SLC28A1: variants seen among roughly 807,000 people sequenced by gnomAD.
The protein encoded by SLC28A1 is solute carrier family 28 member 1.
In SLC28A1, 64 loss-of-function variants were observed where a neutral mutation model predicts 74.8. The ratio of observed to expected loss-of-function variants is 0.86; its 90% confidence interval spans 0.70 to 1.05. SLC28A1 has a LOEUF of 1.05. SLC28A1 is among the 50% of genes least tolerant of loss of function. SLC28A1 has a pLI of 0.00. For synonymous variants in SLC28A1, 359 were observed against 335.0 expected, an observed-to-expected ratio of 1.07 and a Z score of -0.78; for missense variants, 828 against 822.8, an observed-to-expected ratio of 1.01 and a Z score of -0.08.
downstream of SLC28A1, among the ~76,000 whole-genome samples, chr15:84,949,852 A>C (rs1215790415): frequency 6.8e-6 from 1 of 147,238 alleles, no homozygotes; most frequent in Non-Finnish European, 1.5e-5. Context: ...TAAAGGCACT[A>C]TCTCTAGGAC....
intron 2 of SLC28A1, chr15:84,887,267 C>T (rs970876014): frequency 8.5e-6 from 6 of 703,712 alleles, no homozygotes; most frequent in African/African-American, 3.8e-5. Context: ...AGAAAAATGC[C>T]TGTATCAGAT....
chr15:84,973,610 C>T, the SLC28A1 span, among the ~76,000 whole-genome samples: 1 of 152,102 alleles, frequency 6.6e-6, no homozygotes, highest in Non-Finnish European at 1.5e-5. Context: ...CTCTTGGTGC[C>T]CACCCTCCAC....
chr15:84,958,546 T>A, the SLC28A1 span, among the ~76,000 whole-genome samples: 1 of 152,060 alleles, frequency 6.6e-6, no homozygotes, highest in African/African-American at 2.4e-5. Flanking sequence ...CCTCTTACAG[T>A]TTTTTGTTTG....
downstream of SLC28A1, among the ~76,000 whole-genome samples, chr15:84,946,133 T>TTTTTTTTC (rs2079221679): frequency 8.7e-6 from 1 of 115,312 alleles, no homozygotes; most frequent in Non-Finnish European, 1.8e-5. Flanking sequence ...TTTTTTTTTT[T>TTTTTTTTC]TGGTAGAGAT....
At chr15:84,921,903 T>G (rs1457381705) in intron 11 of SLC28A1, among the ~76,000 whole-genome samples, 2 of 152,202 alleles carry the variant, frequency 1.3e-5, no homozygotes, top group Non-Finnish European at 2.9e-5. Context: ...TTATTCTATA[T>G]GAAAGGCTGC....
chr15:84,889,677 TTTCCTTCCTTCCTTCTTTCC>T (rs1965068141), intron 4 of SLC28A1, among the ~76,000 whole-genome samples: 6 of 109,826 alleles, frequency 5.5e-5, no homozygotes, highest in Admixed American at 9.7e-5. Flanking sequence ...TCCTTCCTTC[TTTCCTTCCTTCCTTCTTTCC>T]TTCCTTCCTT....
rs527742285 is a variant in SLC28A1, at chr15:84,935,660, C to G, written c.1581+142C>G. On this transcript the variant is annotated intron_variant, in intron 15 of 18. Coordinates refer to ENST00000394573, the MANE Select transcript of SLC28A1 (RefSeq NM_004213.5). The stretch of plus-strand genomic sequence containing the variant: ...GCTTCACCTCCTACATCCTGTAGTC[C>G]TGGGAGACAGGACAGCTTCAGGCTT... The G allele has an allele frequency of 9.0e-5, 64 of 713,102 alleles. No homozygotes were observed. The Admixed American group carries it at 1.4e-3, about 16-fold the overall frequency. The allele number at this position is 713,102 out of a possible 1,614,324, so 44.2% of individuals were successfully genotyped here. A position where few individuals can be genotyped will look rare whatever the true frequency, so the allele number is the denominator to read the frequency against.
At chr15:84,908,034 C>T (rs896978291) in intron 8 of SLC28A1, among the ~76,000 whole-genome samples, 6 of 152,112 alleles carry the variant, frequency 3.9e-5, no homozygotes, top group Non-Finnish European at 7.4e-5. Context: ...GCCACAAGCC[C>T]GGGATGGGGA....
intron 4 of SLC28A1, among the ~76,000 whole-genome samples, chr15:84,889,649 C>CT (rs1567113435): frequency 4.7e-5 from 7 of 149,396 alleles, no homozygotes; most frequent in African/African-American, 1.7e-4. Context: ...TTTTCTTTTC[C>CT]TTTTTCTTTT....
chr15:84,914,703 C>G (rs1968835475), intron 9 of SLC28A1, among the ~76,000 whole-genome samples: 1 of 152,202 alleles, frequency 6.6e-6, no homozygotes, highest in Non-Finnish European at 1.5e-5. Flanking sequence ...CTTGCCTCCC[C>G]TTTCCACAGC....
intron 9 of SLC28A1, among the ~76,000 whole-genome samples, chr15:84,911,455 G>A (rs1186961255): frequency 6.6e-6 from 1 of 152,210 alleles, no homozygotes; most frequent in East Asian, 1.9e-4. Context: ...CCCTCCACTG[G>A]ACTTCTGGTT....
chr15:84,890,080 G>A (rs895748170), intron 4 of SLC28A1, among the ~76,000 whole-genome samples: 4 of 151,944 alleles, frequency 2.6e-5, no homozygotes, highest in South Asian at 2.1e-4. Flanking sequence ...AGTGATCCAC[G>A]CTCCTGGGCC....
chr15:84,888,623 A>G (rs879846081), intron 3 of SLC28A1, 149 bp from the exon 4 acceptor site: 13 of 665,792 alleles, frequency 2.0e-5, no homozygotes, highest in Middle Eastern at 3.8e-4. Context: ...GCCTTGCAGA[A>G]TCCAGTTTAG....
intron 6 of SLC28A1, chr15:84,895,864 C>CT: frequency 9.4e-7 from 1 of 1,068,350 alleles, no homozygotes; most frequent in Non-Finnish European, 1.1e-6. Context: ...TACCCAAAGA[C>CT]TAAGTCAGGG....
At chr15:84,913,859 G>A (rs1172023847) in intron 9 of SLC28A1, among the ~76,000 whole-genome samples, 1 of 142,318 alleles carries the variant, frequency 7.0e-6, no homozygotes, top group East Asian at 2.1e-4. Flanking sequence ...GTTGAATTCT[G>A]TTGAGGCCCA....
intron 8 of SLC28A1, among the ~76,000 whole-genome samples, chr15:84,905,944 C>A (rs1967034403): frequency 8.4e-6 from 1 of 119,584 alleles, no homozygotes; most frequent in Non-Finnish European, 1.8e-5. Context: ...AAAAAAAAAC[C>A]CAAATCTGCA....
chr15:84,946,589 G>A (rs569730540), downstream of SLC28A1, among the ~76,000 whole-genome samples: 2 of 152,160 alleles, frequency 1.3e-5, no homozygotes, highest in South Asian at 2.1e-4. Context: ...GGGGTGCCCC[G>A]AGCCCATCTG....
At chr15:84,934,920 CCG>C in intron 13 of SLC28A1, 104 bp from the exon 14 acceptor site, 1 of 962,814 alleles carries the variant, frequency 1.0e-6, no homozygotes, top group Non-Finnish European at 1.7e-6. Flanking sequence ...TTAGGATTTC[CCG>C]CTCTGAAATG....
chr15:84,902,623 A>G (rs1966796035), intron 6 of SLC28A1, among the ~76,000 whole-genome samples: 1 of 152,178 alleles, frequency 6.6e-6, no homozygotes, highest in South Asian at 2.1e-4. Flanking sequence ...GAGTATACGT[A>G]TGCCAAAACG....
Sources: gnomAD v4.1 joint callset for allele counts (sites outside exome capture counted in the v4.1 genomes callset) on GRCh38, gnomAD v4.1.1 for gene constraint, MANE v1.5 for transcripts, NCBI Gene and HGNC (gene_info 2026-07-23, HGNC 2026-07-21) for gene names.